HMGXB3: variants seen among roughly 807,000 people sequenced by gnomAD.
HMGXB3 encodes HMG domain-containing protein 3.
A neutral mutation model predicts 121.5 loss-of-function variants in HMGXB3; 45 were observed. The ratio of observed to expected loss-of-function variants is 0.37; its 90% confidence interval spans 0.29 to 0.47. HMGXB3 has a LOEUF of 0.47. Among genes scored for constraint, HMGXB3 ranks in the 20% least tolerant of loss-of-function variants. HMGXB3 has a pLI of 0.99. For missense variants in HMGXB3, 1,376 were observed against 1,602.2 expected (o/e 0.86, Z 2.41); for synonymous variants, 590 against 624.1 (o/e 0.95, Z 0.81).
In HMGXB3 at chr5:150,006,554, TAAG is replaced by T. The variant is rs1186855862; in HGVS notation, c.224_226del (p.Lys75del). Reference sequence around the variant, plus strand: ...CCCACCTCCCTCAGTCTGAGATCAATAAGAAGATTAGTGAGAGTTGGAGGCTTC... The same window carrying T: ...CCCACCTCCCTCAGTCTGAGATCAATAAGATTAGTGAGAGTTGGAGGCTTC... On this transcript the variant is annotated inframe_deletion, in exon 3 of 20. Transcript: ENST00000502717. 2.6e-6 allele frequency: 4 copies of T among 1,552,170 alleles called. No individual in the cohort carries two copies. Among genetic ancestry groups the T allele is most frequent in the Non-Finnish European group, 3.5e-6 (4 of 1,147,068 alleles).
chr5:150,005,135 G>C, intron 2 of HMGXB3, 146 bp downstream of exon 2: 2 of 1,139,804 alleles, frequency 1.8e-6, no homozygotes, highest in Non-Finnish European at 2.4e-6. Flanking sequence ...GAAGTGGAGG[G>C]ATTTCTGCCA....
chr5:150,052,627 T>G lies in HMGXB3; in HGVS notation c.*435T>G. 1 of 171,482 alleles carries G rather than the reference T, an allele frequency of 5.8e-6. No individual in the cohort carries two copies. Among genetic ancestry groups the G allele is most frequent in the South Asian group, 1.5e-4 (1 of 6,508 alleles). 10.6% of individuals were successfully genotyped at this position (171,482 alleles called of 1,614,324 possible). A position where few individuals can be genotyped will look rare whatever the true frequency, so the allele number is the denominator to read the frequency against. ...GTTTCAGCCCCCTCAGTCTGATGAA[T>G]TGCTTAGCCTGTTGCCTTTGACTAG... is the stretch of plus-strand genomic sequence containing the variant. On this transcript the variant is annotated 3_prime_UTR_variant, in exon 20 of 20. Coordinates refer to ENST00000502717, the MANE Select transcript of HMGXB3 (RefSeq NM_014983.3).
chr5:150,042,082 C>G, intron 15 of HMGXB3, 113 bp downstream of exon 15: 1 of 792,636 alleles, frequency 1.3e-6, no homozygotes, highest in Non-Finnish European at 1.9e-6. Flanking sequence ...CTAGGTGAGG[C>G]AAGTGAGTTT....
intron 3 of HMGXB3, among the ~76,000 whole-genome samples, chr5:150,009,359 G>C (rs1175000830): frequency 6.6e-6 from 1 of 152,158 alleles, no homozygotes; most frequent in Non-Finnish European, 1.5e-5. Context: ...TTGTTTTTAA[G>C]ATAAAATCAG....
chr5:150,030,698 G>A, intron 9 of HMGXB3, 43 bp from the exon 10 acceptor site: 1 of 1,424,804 alleles, frequency 7.0e-7, no homozygotes, highest in Non-Finnish European at 9.7e-7. Context: ...TCAGGAGTTT[G>A]GCTAAGGTTC....
chr5:150,041,891 T>C lies in HMGXB3; in HGVS notation c.2652T>C (p.Cys884=). The C allele has an allele frequency of 6.4e-7, 1 of 1,551,744 alleles. No homozygotes were observed. Among genetic ancestry groups the C allele is most frequent in the Non-Finnish European group, 8.7e-7 (1 of 1,146,998 alleles). Residue 884 remains cysteine (C), a synonymous_variant, in exon 15 of 20, where the codon TGT becomes TGC. Coordinates refer to ENST00000502717, the MANE Select transcript of HMGXB3 (RefSeq NM_014983.3). ...TCCGAGACTACAATGACATGATCTG[T>C]GGCATCTGTGGTGTGGCCCCCAAAG... The part of the protein sequence containing the change: ...LTVRDYNDMI[C]GICGVAPKVE...
At chr5:150,004,758 C>T in intron 1 of HMGXB3, 93 bp from the exon 2 acceptor site, 2 of 818,786 alleles carry the variant, frequency 2.4e-6, no homozygotes, top group Non-Finnish European at 3.8e-6. Flanking sequence ...AGCCTTAAGG[C>T]ACTGGCAGAG....
At chr5:150,008,194 T>G (rs1185571186) in intron 3 of HMGXB3, among the ~76,000 whole-genome samples, 2 of 152,142 alleles carry the variant, frequency 1.3e-5, no homozygotes, top group African/African-American at 2.4e-5. Context: ...TTATCAAGAC[T>G]TTAAAAAAAT....
intron 17 of HMGXB3, among the ~76,000 whole-genome samples, chr5:150,048,035 T>C (rs1290651537): frequency 6.6e-6 from 1 of 152,266 alleles, no homozygotes; most frequent in African/African-American, 2.4e-5. Flanking sequence ...AGCTGCTTTA[T>C]ATTTTGAGCT....
At chr5:150,040,255 T>G (rs1756597799) in intron 13 of HMGXB3, among the ~76,000 whole-genome samples, 1 of 152,100 alleles carries the variant, frequency 6.6e-6, no homozygotes, top group African/African-American at 2.4e-5. Flanking sequence ...CTACTTCTTT[T>G]TAAAAAAAAA....
intron 10 of HMGXB3, among the ~76,000 whole-genome samples, chr5:150,032,040 G>A (rs941736775): frequency 6.6e-6 from 1 of 151,914 alleles, no homozygotes; most frequent in African/African-American, 2.4e-5. Context: ...ACTTGTCATA[G>A]GAGCTTAGAT....
intron 16 of HMGXB3, 35 bp from the exon 17 acceptor site, chr5:150,047,589 C>G: frequency 6.5e-7 from 1 of 1,550,290 alleles, no homozygotes; most frequent in Non-Finnish European, 8.7e-7. Flanking sequence ...TGACTGGCGG[C>G]AGCACCCTCC....
At chr5:150,043,011 G>A (rs1378143664) in intron 15 of HMGXB3, among the ~76,000 whole-genome samples, 2 of 152,108 alleles carry the variant, frequency 1.3e-5, no homozygotes, top group South Asian at 2.1e-4. Flanking sequence ...TAGCAAATCA[G>A]ATCTAACACA....
intron 15 of HMGXB3, 107 bp from the exon 16 acceptor site, chr5:150,045,359 C>T: frequency 1.1e-6 from 1 of 943,754 alleles, no homozygotes; most frequent in Non-Finnish European, 1.6e-6. Context: ...TCTGACTTCC[C>T]TTCACCAAGC....
At chr5:150,024,950 A>G (rs1756192548) in intron 7 of HMGXB3, among the ~76,000 whole-genome samples, 3 of 152,338 alleles carry the variant, frequency 2.0e-5, no homozygotes, top group South Asian at 4.1e-4. Flanking sequence ...GGCTCTGGGC[A>G]GTATTAAAAC....
chr5:150,014,931 C>G (rs1755926408), intron 5 of HMGXB3: 1 of 966,172 alleles, frequency 1.0e-6, no homozygotes, highest in East Asian at 3.2e-5. Flanking sequence ...TGATGGAGAT[C>G]ATATGAAATG....
At chr5:150,021,284 T>G (rs1288518912) in intron 6 of HMGXB3, among the ~76,000 whole-genome samples, 1 of 152,222 alleles carries the variant, frequency 6.6e-6, no homozygotes, top group African/African-American at 2.4e-5. Context: ...TTGACTTTGA[T>G]TATCAGCTAC....
chr5:150,003,924 A>G (rs1212675306), intron 1 of HMGXB3, among the ~76,000 whole-genome samples: 2 of 152,170 alleles, frequency 1.3e-5, no homozygotes, highest in African/African-American at 2.4e-5. Flanking sequence ...ACTGTTCTCT[A>G]GTGACAGAGT....
chr5:150,034,981 T>C (rs559299495), intron 11 of HMGXB3, among the ~76,000 whole-genome samples: 72 of 152,350 alleles, frequency 4.7e-4, no homozygotes, highest in African/African-American at 1.4e-3. Context: ...CAGCCTATAT[T>C]GAATGCCTGC....
Sources: gnomAD v4.1 joint callset for allele counts (sites outside exome capture counted in the v4.1 genomes callset) on GRCh38, gnomAD v4.1.1 for gene constraint, MANE v1.5 for transcripts, NCBI Gene and HGNC (gene_info 2026-07-23, HGNC 2026-07-21) for gene names.